DIPK1B: variants seen among roughly 807,000 people sequenced by gnomAD.
DIPK1B encodes the protein family with sequence similarity 69 member B.
A neutral mutation model predicts 20.7 loss-of-function variants in DIPK1B; 17 were observed. That is an observed-to-expected ratio of 0.82 (90% confidence interval 0.56 to 1.23). The LOEUF (loss-of-function observed/expected upper bound fraction) is 1.23. DIPK1B is among the 50% of genes most tolerant of loss of function. The pLI, the probability that DIPK1B is intolerant of heterozygous loss-of-function variation, is 0.00. For synonymous variants in DIPK1B, 343 were observed against 276.5 expected, an observed-to-expected ratio of 1.24 and a Z score of -2.39; for missense variants, 648 against 601.8, an observed-to-expected ratio of 1.08 and a Z score of -0.80.
intron 2 of DIPK1B, among the ~76,000 whole-genome samples, chr9:136,720,475 C>A (rs968987989): frequency 6.6e-6 from 1 of 152,130 alleles, no homozygotes; most frequent in East Asian, 1.9e-4. Flanking sequence ...AATTCTCCCC[C>A]CCCCAGAGGG....
At chr9:136,714,901 T>C (rs114292988) in intron 1 of DIPK1B, among the ~76,000 whole-genome samples, 1,821 of 152,302 alleles carry the variant, frequency 0.012, 38 homozygotes, top group African/African-American at 0.041. Context: ...CCACCCATCC[T>C]GAAAGAACCA....
chr9:136,719,132 C>T (rs1355515190), intron 2 of DIPK1B, among the ~76,000 whole-genome samples: 3 of 22,046 alleles, frequency 1.4e-4, no homozygotes, highest in African/African-American at 2.0e-4. Context: ...GCCGGACCTC[C>T]GGGCCGGGAT....
At position 136,717,595 on chromosome 9, in the gene DIPK1B, A is replaced by G; in HGVS notation, c.82A>G (p.Arg28Gly). ...KRLQGRLPGLRVRCIFLAWLG... is the reference protein window; with the variant it reads ...KRLQGRLPGLGVRCIFLAWLG... ...CCCACAGGGCCGGCTCCCAGGCCTC[A>G]GGGTCCGCTGCATCTTCCTGGCCTG... The change falls in exon 2 of 5, where the codon AGG (arginine) becomes GGG (glycine). Residue 28 changes from arginine (R) to glycine (G), a missense_variant. Physicochemically the swap from Arg to Gly is moderately radical, Grantham distance 125. Transcript: ENST00000371692. 2 of 1,600,612 alleles carry G rather than the reference A, an allele frequency of 1.2e-6. No homozygotes were observed. Among genetic ancestry groups the G allele is most frequent in the Non-Finnish European group, 1.7e-6 (2 of 1,179,730 alleles).
chr9:136,723,682 C>G lies in DIPK1B; in HGVS notation c.1204C>G (p.Leu402Val), dbSNP rs1239706940. ...GCGCACCTGTACCACGCTGAGCGGG[C>G]TGGCCAGCCAGGTGGAGGCCCATCA... The part of the protein sequence containing the change: ...QLRTCTTLSG[L>V]ASQVEAHHSL... The change falls in exon 5 of 5, where the codon CTG becomes GTG. Residue 402 changes from leucine (L) to valine (V), a missense_variant. Physicochemically the swap from Leu to Val is conservative, Grantham distance 32. Transcript: ENST00000371692. The G allele has an allele frequency of 1.9e-6, 3 of 1,543,796 alleles. No individual in the cohort carries two copies. Among genetic ancestry groups the G allele is most frequent in the Non-Finnish European group, 2.6e-6 (3 of 1,148,738 alleles).
chr9:136,722,912 C>A, intron 4 of DIPK1B, 50 bp from the exon 5 acceptor site: 1 of 1,525,278 alleles, frequency 6.6e-7, no homozygotes. Flanking sequence ...GGTCGTGCTC[C>A]CAGACATCAA....
chr9:136,719,970 C>T (rs1188177150), intron 2 of DIPK1B, among the ~76,000 whole-genome samples: 2 of 78,550 alleles, frequency 2.5e-5, no homozygotes, highest in African/African-American at 4.1e-5. Context: ...GCTGGGGCTC[C>T]GGGTGCAGGG....
chr9:136,723,162 C>G lies in DIPK1B; in HGVS notation c.684C>G (p.Leu228=), dbSNP rs1374156082. ...GACTGCTGGGCTACTGTGGGGACCT[C>G]TACCTCACCGAGGGCGTGCCGCATG... The part of the protein sequence containing the change: ...ASRLLGYCGD[L]YLTEGVPHGA... Residue 228 remains leucine, a synonymous_variant, in exon 5 of 5, where the codon CTC becomes CTG. Coordinates refer to ENST00000371692, the MANE Select transcript of DIPK1B (RefSeq NM_152421.4). 3.7e-6 allele frequency: 6 copies of G among 1,613,334 alleles called. No homozygotes were observed. Among genetic ancestry groups the G allele is most frequent in the Non-Finnish European group, 5.1e-6 (6 of 1,179,970 alleles).
chr9:136,722,896 A>C, intron 4 of DIPK1B, 66 bp from the exon 5 acceptor site: 1 of 1,466,782 alleles, frequency 6.8e-7, no homozygotes, highest in Non-Finnish European at 9.1e-7. Flanking sequence ...GACCAGGTAA[A>C]GGCCAGGTCG....
chr9:136,723,831 A>C lies in DIPK1B; in HGVS notation c.*57A>C, dbSNP rs6873. On this transcript the variant is annotated 3_prime_UTR_variant, in exon 5 of 5. Coordinates refer to ENST00000371692, the MANE Select transcript of DIPK1B (RefSeq NM_152421.4). ...GGAGCTGGCCAGGTGCCAGGGTCCA[A>C]CCCTCCCTCAAGGAATCCTGTCAGA... 2 of 1,482,978 alleles carry C rather than the reference A, an allele frequency of 1.3e-6. No homozygotes were observed. The highest frequency in any genetic ancestry group is 1.8e-6 in the Non-Finnish European group (2 of 1,108,970). 91.9% of individuals were successfully genotyped at this position (1,482,978 alleles called of 1,614,324 possible).
intron 4 of DIPK1B, chr9:136,722,665 T>C: frequency 1.8e-6 from 1 of 567,430 alleles, no homozygotes; most frequent in African/African-American, 1.9e-5. Context: ...ATTCTCATCC[T>C]CAGGGAAGCT....
At chr9:136,720,230 C>G (rs1012409467) in intron 2 of DIPK1B, among the ~76,000 whole-genome samples, 2 of 151,872 alleles carry the variant, frequency 1.3e-5, no homozygotes, top group African/African-American at 2.4e-5. Flanking sequence ...TCTGTCTTGA[C>G]GAAGAGCCGG....
At chr9:136,721,854 TGGGCAGGGGCTCAGTG>T in intron 2 of DIPK1B, 51 bp from the exon 3 acceptor site, 3 of 1,459,926 alleles carry the variant, frequency 2.1e-6, no homozygotes, top group Non-Finnish European at 2.8e-6. Context: ...TTCGGGCCTG[TGGGCAGGGGCTCAGTG>T]GGGCAGGGGT....
chr9:136,722,106 C>T lies in DIPK1B; in HGVS notation c.307-19C>T, dbSNP rs373662888. ...GGGAGGGGGATGTCTGCACGGAGGA[C>T]CTCTGTGGCCCTGTCCAGGTGTACA... On this transcript the variant is annotated intron_variant, in intron 3 of 4. Transcript: ENST00000371692. The T allele has an allele frequency of 6.2e-7, 1 of 1,613,686 alleles. No individual in the cohort carries two copies. The highest frequency in any genetic ancestry group is 8.5e-7 in the Non-Finnish European group (1 of 1,179,858).
At chr9:136,716,797 G>A (rs1846503201) in intron 1 of DIPK1B, among the ~76,000 whole-genome samples, 1 of 152,092 alleles carries the variant, frequency 6.6e-6, no homozygotes, top group Admixed American at 6.5e-5. Flanking sequence ...GGTCCGGCCG[G>A]AACTTCCCAC....
At chr9:136,717,216 A>G (rs1362253994) in intron 1 of DIPK1B, among the ~76,000 whole-genome samples, 1 of 151,464 alleles carries the variant, frequency 6.6e-6, no homozygotes, top group African/African-American at 2.4e-5. Context: ...GCTACAGAGT[A>G]AGACTCCCTC....
At position 136,723,559 on chromosome 9, in the gene DIPK1B, C is replaced by T; in HGVS notation, c.1081C>T (p.Leu361Phe). The stretch of plus-strand genomic sequence containing the variant: ...GCTCATGAGGCAGTGCAAGGGCGAC[C>T]TCATCCAGCCCAACCTGGCCAAGGT... ...DRLMRQCKGDLIQPNLAKVCA... is the reference protein window; with the variant it reads ...DRLMRQCKGDFIQPNLAKVCA... Residue 361 changes from leucine (L) to phenylalanine (F), a missense_variant, in exon 5 of 5, where the codon CTC (leucine) becomes TTC (phenylalanine). Physicochemically the swap from Leu to Phe is conservative, Grantham distance 22. Transcript: ENST00000371692. 1.3e-6 allele frequency: 2 copies of T among 1,597,856 alleles called. No individual in the cohort carries two copies. Among genetic ancestry groups the T allele is most frequent in the African/African-American group, 1.3e-5 (1 of 74,788 alleles).
At chr9:136,722,081 G>A (rs767231871) in intron 3 of DIPK1B, 44 bp from the exon 4 acceptor site, 6 of 1,613,382 alleles carry the variant, frequency 3.7e-6, no homozygotes, top group South Asian at 1.1e-5. Flanking sequence ...CCCGTGCAGT[G>A]GGAGGGGGAT....
At chr9:136,721,893 C>T in intron 2 of DIPK1B, 28 bp from the exon 3 acceptor site, 1 of 1,604,734 alleles carries the variant, frequency 6.2e-7, no homozygotes. Context: ...GGCTGCCCCG[C>T]CCGGCACGCC....
At position 136,717,839 on chromosome 9, in the gene DIPK1B, G is replaced by A. The variant is rs1254477667; in HGVS notation, c.198+128G>A. ...CCACGAGGCACGTGGGTTTCTAGGTGGAATCTGCAAAGCTGCCTCAGGCTG... is the reference window on the plus strand; with the variant it reads ...CCACGAGGCACGTGGGTTTCTAGGTAGAATCTGCAAAGCTGCCTCAGGCTG... On this transcript the variant is annotated intron_variant, in intron 2 of 4. Transcript: ENST00000371692. 8 of 1,424,232 alleles carry A rather than the reference G, an allele frequency of 5.6e-6. No homozygotes were observed. In the South Asian group the frequency reaches 9.0e-5, roughly 16 times the overall value. The allele number at this position is 1,424,232 out of a possible 1,614,324, so 88.2% of individuals were successfully genotyped here. A position where few individuals can be genotyped will look rare whatever the true frequency, so the allele number is the denominator to read the frequency against.
Sources: gnomAD v4.1 joint callset for allele counts (sites outside exome capture counted in the v4.1 genomes callset) on GRCh38, gnomAD v4.1.1 for gene constraint, MANE v1.5 for transcripts, NCBI Gene and HGNC (gene_info 2026-07-23, HGNC 2026-07-21) for gene names.